The following CDC42BPA variants were observed in gnomAD, a reference collection of about 807,000 sequenced individuals.
CDC42BPA encodes the protein CDC42 binding protein kinase alpha, also known as serine/threonine-protein kinase MRCK alpha.
Under a neutral mutation model 223.5 loss-of-function variants are expected in CDC42BPA, and 80 were observed. That is an observed-to-expected ratio of 0.36 (90% CI 0.30 to 0.43). The LOEUF (loss-of-function observed/expected upper bound fraction) is 0.43. Among genes scored for constraint, CDC42BPA ranks in the 20% least tolerant of loss-of-function variants. The pLI, the probability that CDC42BPA is intolerant of heterozygous loss-of-function variation, is 1.00. For synonymous variants in CDC42BPA, 694 were observed against 718.6 expected, an observed-to-expected ratio of 0.97 and a Z score of 0.55; for missense variants, 1,743 against 2,099.9, an observed-to-expected ratio of 0.83 and a Z score of 3.32.
intron 10 of CDC42BPA, among the ~76,000 whole-genome samples, chr1:227,132,367 G>C (rs1283202108): frequency 1.3e-5 from 2 of 151,886 alleles, no homozygotes; most frequent in Non-Finnish European, 2.9e-5. Context: ...TCCTAACCGC[G>C]AGTGATCCGC....
intron 10 of CDC42BPA, 120 bp downstream of exon 10, chr1:227,139,456 A>G: frequency 1.6e-6 from 1 of 620,410 alleles, no homozygotes; most frequent in African/African-American, 1.9e-5. Context: ...CATCTCTACA[A>G]CTTGATTTTT....
chr1:227,055,578 C>T (rs896322429), intron 21 of CDC42BPA, among the ~76,000 whole-genome samples: 1 of 151,962 alleles, frequency 6.6e-6, no homozygotes, highest in Admixed American at 6.6e-5. Flanking sequence ...TATTTTATTA[C>T]AAAGTATTTT....
At chr1:227,161,618 C>T (rs1663911182) in intron 5 of CDC42BPA, among the ~76,000 whole-genome samples, 1 of 152,142 alleles carries the variant, frequency 6.6e-6, no homozygotes, top group South Asian at 2.1e-4. Context: ...TGTTGTATAT[C>T]ACGAGTTAGT....
intron 11 of CDC42BPA, among the ~76,000 whole-genome samples, chr1:227,123,393 C>G (rs1046527603): frequency 5.9e-5 from 9 of 152,108 alleles, no homozygotes; most frequent in African/African-American, 2.2e-4. Context: ...TAAAATTCAA[C>G]TTGTTAGTAA....
intron 17 of CDC42BPA, among the ~76,000 whole-genome samples, chr1:227,078,684 T>C (rs1245180233): frequency 6.6e-6 from 1 of 152,152 alleles, no homozygotes; most frequent in Non-Finnish European, 1.5e-5. Flanking sequence ...CCATTAGAAG[T>C]GACTTCGTAA....
intron 9 of CDC42BPA, among the ~76,000 whole-genome samples, chr1:227,140,240 T>C (rs577313699): frequency 1.3e-5 from 2 of 152,098 alleles, no homozygotes; most frequent in Non-Finnish European, 2.9e-5. Flanking sequence ...CTTGCCCATA[T>C]AGAGCTTATA....
chr1:227,166,777 C>T (rs1243039719), intron 5 of CDC42BPA, among the ~76,000 whole-genome samples: 7 of 152,088 alleles, frequency 4.6e-5, no homozygotes, highest in African/African-American at 1.7e-4. Context: ...GTGGGGGTGC[C>T]TCAATGCCTC....
chr1:227,211,548 A>ATATG (rs531505234), intron 3 of CDC42BPA, among the ~76,000 whole-genome samples: 174 of 152,296 alleles, frequency 1.1e-3, no homozygotes, highest in African/African-American at 3.8e-3. Flanking sequence ...GTGTATACAT[A>ATATG]TATGTATGTA....
chr1:227,120,993 G>C (rs1213860246), intron 11 of CDC42BPA, among the ~76,000 whole-genome samples: 1 of 152,126 alleles, frequency 6.6e-6, no homozygotes, highest in East Asian at 1.9e-4. Flanking sequence ...TAGGGTTCAC[G>C]GTCCCATGAG....
chr1:227,248,298 G>T (rs2148202920), intron 2 of CDC42BPA, among the ~76,000 whole-genome samples: 1 of 152,168 alleles, frequency 6.6e-6, no homozygotes, highest in African/African-American at 2.4e-5. Flanking sequence ...AAATTGGAAA[G>T]AAAAAAGTCA....
At position 227,016,154 on chromosome 1, in the gene CDC42BPA, T is replaced by A. The variant is rs752235838; in HGVS notation, c.4783A>T (p.Asn1595Tyr). 6.2e-7 allele frequency: 1 copy of A among 1,600,730 alleles called. No individual in the cohort carries two copies. Among genetic ancestry groups the A allele is most frequent in the South Asian group, 1.1e-5 (1 of 90,770 alleles). ...GCTATGTGATTAAAATTAGTTGGATTAGAAATTAATTTATTTCTCATTTCT... is the reference window on the plus strand; with the variant it reads ...GCTATGTGATTAAAATTAGTTGGATAAGAAATTAATTTATTTCTCATTTCT... ...DPEMRNKLIS[N>Y]PTNFNHIAHM... Residue 1595 changes from asparagine to tyrosine, a missense_variant, in exon 34 of 37, where the codon AAT (asparagine) becomes TAT (tyrosine). Coordinates refer to ENST00000366766, the MANE Select transcript of CDC42BPA (RefSeq NM_001394014.1).
intron 1 of CDC42BPA, among the ~76,000 whole-genome samples, chr1:227,286,762 T>C (rs1396253955): frequency 3.3e-5 from 5 of 152,166 alleles, no homozygotes; most frequent in African/African-American, 1.2e-4. Context: ...CTGCAAGCTG[T>C]ACAAAAAAGC....
At chr1:227,104,311 A>G (rs1445826796) in intron 14 of CDC42BPA, among the ~76,000 whole-genome samples, 3 of 152,166 alleles carry the variant, frequency 2.0e-5, no homozygotes, top group African/African-American at 7.2e-5. Context: ...GCAGTGCATA[A>G]AGGTGTTTTT....
At chr1:227,005,461 T>C (rs899929755) in intron 34 of CDC42BPA, among the ~76,000 whole-genome samples, 6 of 152,258 alleles carry the variant, frequency 3.9e-5, no homozygotes, top group Admixed American at 1.3e-4. Flanking sequence ...AAGCTTTTAC[T>C]ATGTATGACA....
chr1:227,074,279 T>TG lies in CDC42BPA; in HGVS notation c.2565dup (p.Ser856GlnfsTer24). On this transcript the variant is annotated frameshift_variant, in exon 18 of 37. Transcript: ENST00000366766. LOFTEE classifies it high-confidence loss of function. ...CTTACTGTTGCTCGTGTACCCAAGC[T>TG]GGAATTTCTTAATGCCTCCAATTCT... is the stretch of plus-strand genomic sequence containing the variant. 6.2e-7 allele frequency: 1 copy of TG among 1,613,336 alleles called. No individual in the cohort carries two copies. The highest frequency in any genetic ancestry group is 8.5e-7 in the Non-Finnish European group (1 of 1,179,380).
chr1:227,276,524 G>A (rs892725432), intron 1 of CDC42BPA, among the ~76,000 whole-genome samples: 3 of 151,174 alleles, frequency 2.0e-5, no homozygotes, highest in African/African-American at 4.9e-5. Flanking sequence ...CAGTCACCCC[G>A]TCCGGGAGGT....
At chr1:227,036,521 C>T (rs1046033999) in intron 24 of CDC42BPA, among the ~76,000 whole-genome samples, 4 of 150,822 alleles carry the variant, frequency 2.7e-5, no homozygotes, top group East Asian at 2.0e-4. Context: ...CTCCGCCCCC[C>T]GGGGTTCACG....
chr1:227,214,470 G>T (rs1004268723), intron 2 of CDC42BPA, among the ~76,000 whole-genome samples: 2 of 152,120 alleles, frequency 1.3e-5, no homozygotes, highest in Admixed American at 1.3e-4. Context: ...CATAAAGAGG[G>T]CTGTAATAAA....
intron 21 of CDC42BPA, among the ~76,000 whole-genome samples, chr1:227,064,312 AACTT>A (rs781189076): frequency 2.0e-5 from 3 of 152,348 alleles, no homozygotes; most frequent in East Asian, 3.9e-4. Flanking sequence ...TCAAATTCAA[AACTT>A]ACTTAGCACA....
Sources: allele counts gnomAD v4.1 joint callset (sites outside exome capture counted in the v4.1 genomes callset), GRCh38; gene constraint gnomAD v4.1.1; transcripts MANE v1.5; gene names NCBI Gene and HGNC (gene_info 2026-07-23, HGNC 2026-07-21).